Variants in PPP3CA observed in about 807,000 individuals in gnomAD.
The protein encoded by PPP3CA is CAM-PRP catalytic subunit.
A neutral mutation model predicts 66.5 loss-of-function variants in PPP3CA; 14 were observed. The ratio of observed to expected loss-of-function variants is 0.21; its 90% CI spans 0.14 to 0.33. The LOEUF is 0.33. Ranked by LOEUF, PPP3CA falls within the 10% of genes least tolerant of loss-of-function variation. The pLI, the probability that PPP3CA is intolerant of heterozygous loss-of-function variation, is 1.00. For synonymous variants in PPP3CA, 232 were observed against 226.2 expected (o/e 1.03, Z -0.23); for missense variants, 317 against 639.5 (o/e 0.50, Z 5.44).
intron 2 of PPP3CA, among the ~76,000 whole-genome samples, chr4:101,157,155 G>T (rs986775683): frequency 2.6e-5 from 4 of 152,178 alleles, no homozygotes; most frequent in African/African-American, 9.7e-5. Context: ...TTTGTCTGTG[G>T]TTGTTTTTCC....
intron 1 of PPP3CA, among the ~76,000 whole-genome samples, chr4:101,203,771 G>A (rs1317911845): frequency 6.6e-6 from 1 of 152,032 alleles, no homozygotes; most frequent in Non-Finnish European, 1.5e-5. Context: ...AACTTCCTCT[G>A]CATGCAGTCT....
chr4:101,298,722 G>A (rs1206766025), intron 1 of PPP3CA, among the ~76,000 whole-genome samples: 1 of 151,896 alleles, frequency 6.6e-6, no homozygotes, highest in Admixed American at 6.6e-5. Context: ...TTATCCATCA[G>A]GCTTCCAGCC....
chr4:101,294,590 A>T (rs749985048), intron 1 of PPP3CA, among the ~76,000 whole-genome samples: 4 of 152,240 alleles, frequency 2.6e-5, no homozygotes, highest in Non-Finnish European at 4.4e-5. Context: ...TTCTAAGAGT[A>T]TGCTTTATGA....
intron 2 of PPP3CA, among the ~76,000 whole-genome samples, chr4:101,179,607 G>T (rs1485184234): frequency 6.6e-6 from 1 of 152,092 alleles, no homozygotes; most frequent in Admixed American, 6.6e-5. Flanking sequence ...CAAGTAATTT[G>T]TCTCATCACT....
chr4:101,191,310 C>T (rs142189356), intron 2 of PPP3CA, among the ~76,000 whole-genome samples: 3 of 152,160 alleles, frequency 2.0e-5, no homozygotes, highest in South Asian at 2.1e-4. Flanking sequence ...TTGTAAAAAG[C>T]GTTTCCAAGA....
intron 1 of PPP3CA, among the ~76,000 whole-genome samples, chr4:101,255,951 G>A (rs1438542595): frequency 6.6e-6 from 1 of 151,738 alleles, no homozygotes; most frequent in African/African-American, 2.4e-5. Context: ...TTTTAAATAC[G>A]ATAATGAATA....
Position 101,029,373 on chromosome 4 carries a change from G to GA in PPP3CA, c.1340-179dup, listed in dbSNP as rs869076192. Among the ~76,000 whole-genome samples, 18 of 59,052 alleles carry GA rather than the reference G, an allele frequency of 3.0e-4. No individual in the cohort carries two copies. The East Asian group carries it at 5.9e-3, about 19-fold the overall frequency. 38.7% of individuals were successfully genotyped at this position (59,052 alleles called of 152,430 possible). A position where few individuals can be genotyped will look rare whatever the true frequency, so the allele number is the denominator to read the frequency against. ...AAAAAAAAAAAAAAAAAAAAAAAAA[G>GA]AAAAAAAATGCCACAGAAATTATAA... On this transcript the variant is annotated intron_variant, in intron 12 of 13. Coordinates refer to ENST00000394854, the MANE Select transcript of PPP3CA (RefSeq NM_000944.5).
chr4:101,325,298 G>A (rs941311746), intron 1 of PPP3CA, among the ~76,000 whole-genome samples: 3 of 152,022 alleles, frequency 2.0e-5, no homozygotes, highest in African/African-American at 4.8e-5. Context: ...CAAAAGGTAG[G>A]GCCTGAAATT....
At chr4:101,038,456 G>C (rs749028673) in intron 11 of PPP3CA, among the ~76,000 whole-genome samples, 5 of 150,234 alleles carry the variant, frequency 3.3e-5, no homozygotes, top group African/African-American at 9.8e-5. Flanking sequence ...TGCAACCTCC[G>C]CCTCCTGGGT....
At position 101,077,870 on chromosome 4, in the gene PPP3CA, T is replaced by C. The variant is rs568831152; in HGVS notation, c.955+2662A>G. On this transcript the variant is annotated intron_variant, in intron 8 of 13. Transcript: ENST00000394854. The stretch of plus-strand genomic sequence containing the variant: ...TTCCAAACTTGTTAAATCAGAACTA[T>C]ACAAAAAGAAGAAATAGACACCTTA... Among the ~76,000 whole-genome samples the C allele has an allele frequency of 1.3e-3, 198 of 151,606 alleles. 1 individual carries two copies. The Middle Eastern group carries it at 0.027, about 21-fold the overall frequency.
intron 1 of PPP3CA, among the ~76,000 whole-genome samples, chr4:101,299,828 C>T (rs1265748169): frequency 1.3e-5 from 2 of 152,092 alleles, no homozygotes; most frequent in African/African-American, 4.8e-5. Flanking sequence ...GGAGGTAAGG[C>T]CATGTTTACA....
At chr4:101,056,991 CAT>C (rs1578408524) in intron 10 of PPP3CA, among the ~76,000 whole-genome samples, 1 of 152,036 alleles carries the variant, frequency 6.6e-6, no homozygotes, top group African/African-American at 2.4e-5. Flanking sequence ...GTTTTGATGT[CAT>C]GTTACATTAA....
chr4:101,032,383 G>A lies in PPP3CA; in HGVS notation c.1242-19C>T. Reference sequence around the variant, plus strand: ...CTCTTCTCTGGAAGGCACAATGAGGGGCGACATTAACTTTTAATTTCTTTT... The same window carrying A: ...CTCTTCTCTGGAAGGCACAATGAGGAGCGACATTAACTTTTAATTTCTTTT... On this transcript the variant is annotated intron_variant, in intron 11 of 13. Coordinates refer to ENST00000394854, the MANE Select transcript of PPP3CA (RefSeq NM_000944.5). 6.3e-7 allele frequency: 1 copy of A among 1,588,168 alleles called. No individual in the cohort carries two copies. Among genetic ancestry groups the A allele is most frequent in the Non-Finnish European group, 8.6e-7 (1 of 1,159,420 alleles).
At chr4:101,260,275 T>A (rs1317465017) in intron 1 of PPP3CA, among the ~76,000 whole-genome samples, 2 of 152,186 alleles carry the variant, frequency 1.3e-5, no homozygotes, top group Non-Finnish European at 2.9e-5. Flanking sequence ...TGTTTGTATG[T>A]GTGTGTCTGT....
chr4:101,079,798 C>T (rs1729357869), intron 8 of PPP3CA, among the ~76,000 whole-genome samples: 1 of 152,196 alleles, frequency 6.6e-6, no homozygotes, highest in East Asian at 1.9e-4. Flanking sequence ...TAATAATGCA[C>T]CCCTTGCTCT....
At chr4:101,217,260 T>C (rs776227506) in intron 1 of PPP3CA, among the ~76,000 whole-genome samples, 11 of 152,116 alleles carry the variant, frequency 7.2e-5, no homozygotes, top group Non-Finnish European at 1.3e-4. Context: ...ATTGTTCCTG[T>C]TTGACAGATT....
chr4:101,040,338 A>T, intron 11 of PPP3CA, 144 bp downstream of exon 11: 2 of 559,294 alleles, frequency 3.6e-6, no homozygotes, highest in Non-Finnish European at 2.9e-6. Flanking sequence ...TTCTCATTTA[A>T]TTTTCCTCAA....
chr4:101,209,520 C>T (rs1368413653), intron 1 of PPP3CA, among the ~76,000 whole-genome samples: 1 of 152,062 alleles, frequency 6.6e-6, no homozygotes, highest in Non-Finnish European at 1.5e-5. Flanking sequence ...GTCCTAGAAG[C>T]AAAGACAAAA....
At chr4:101,175,850 A>G (rs995149458) in intron 2 of PPP3CA, among the ~76,000 whole-genome samples, 2 of 152,208 alleles carry the variant, frequency 1.3e-5, no homozygotes, top group African/African-American at 4.8e-5. Context: ...TCTACCACAC[A>G]GAGGAGTTAA....
Sources: gnomAD v4.1 joint callset for allele counts (sites outside exome capture counted in the v4.1 genomes callset) on GRCh38, gnomAD v4.1.1 for gene constraint, MANE v1.5 for transcripts, NCBI Gene and HGNC (gene_info 2026-07-23, HGNC 2026-07-21) for gene names.